TNS1: variants seen among roughly 807,000 people sequenced by gnomAD.
TNS1 encodes the protein tensin-1.
TNS1 carries 62 observed loss-of-function variants against 168.6 expected under a neutral mutation model. The observed-to-expected ratio is 0.37, with a 90% CI of 0.30 to 0.45. The LOEUF (loss-of-function observed/expected upper bound fraction) is 0.45. TNS1 is among the 20% of genes least tolerant of loss of function. The pLI is 1.00. For synonymous variants in TNS1, 934 were observed against 933.2 expected, an observed-to-expected ratio of 1.00 and a Z score of -0.02; for missense variants, 2,240 against 2,339.4, an observed-to-expected ratio of 0.96 and a Z score of 0.88.
rs146060788 is a variant in TNS1 at position 217,830,193 on chromosome 2, C to T, written c.3373+1262G>A. Among the ~76,000 whole-genome samples, 97 of 152,262 alleles carry T rather than the reference C, an allele frequency of 6.4e-4. 1 individual carries two copies. Among genetic ancestry groups the T allele is most frequent in the Middle Eastern group, 6.8e-3 (2 of 294 alleles). ...CCCCTCGCAGCCCCTGTGCCCAGGG[C>T]TCTGTGGGCCAAGTGTCAAGCAGGA... is the stretch of plus-strand genomic sequence containing the variant. On this transcript the variant is annotated intron_variant, in intron 22 of 32. Coordinates refer to ENST00000682258, the MANE Select transcript of TNS1 (RefSeq NM_001387777.1).
At chr2:217,950,815 A>T (rs1957222536) in intron 3 of TNS1, among the ~76,000 whole-genome samples, 1 of 149,966 alleles carries the variant, frequency 6.7e-6, no homozygotes, top group South Asian at 2.1e-4. Flanking sequence ...TCTGCGCAGC[A>T]CCTTCCTTCC....
rs1268962737 is a variant in TNS1 at position 217,813,145 on chromosome 2, C to A, written c.4954+70G>T. On this transcript the variant is annotated intron_variant, in intron 27 of 32. Coordinates refer to ENST00000682258, the MANE Select transcript of TNS1 (RefSeq NM_001387777.1). This position sits in a 1 kb window ranked among gnomAD's most constrained non-coding sequence, Gnocchi z 4.0. ...GTCAGAAAGAACTTGGGGTCAGACC[C>A]CTGGAGGAACCCAGGACAGGACCAA... 3 of 1,192,656 alleles carry A rather than the reference C, an allele frequency of 2.5e-6. No individual in the cohort carries two copies. Among genetic ancestry groups the A allele is most frequent in the Non-Finnish European group, 2.4e-6 (2 of 819,184 alleles). 73.9% of individuals were successfully genotyped at this position (1,192,656 alleles called of 1,614,324 possible).
intron 1 of TNS1, among the ~76,000 whole-genome samples, chr2:217,997,419 A>G (rs957273374): frequency 2.0e-5 from 3 of 152,108 alleles, no homozygotes; most frequent in African/African-American, 7.2e-5. Context: ...TTTAAACTAG[A>G]CACGTTATCC....
In TNS1 at chr2:217,980,506, CAGAGAGAGAGAG is replaced by C. The variant is rs3842558; in HGVS notation, c.149-1716_149-1705del. Among the ~76,000 whole-genome samples, 362 of 117,362 alleles carry C rather than the reference CAGAGAGAGAGAG, an allele frequency of 3.1e-3. 3 individuals carry two copies. Among genetic ancestry groups the C allele is most frequent in the East Asian group, 8.9e-3 (42 of 4,724 alleles). 77.0% of individuals were successfully genotyped at this position (117,362 alleles called of 152,430 possible). A position where few individuals can be genotyped will look rare whatever the true frequency, so the allele number is the denominator to read the frequency against. ...CCTCTCTCTCTCTCCTACACACACA[CAGAGAGAGAGAG>C]AGAGAGAGAGAGAGAGAGAGAGAGA... On this transcript the variant is annotated intron_variant, in intron 2 of 32. Transcript: ENST00000682258.
At chr2:217,874,802 A>G (rs1478542070) in intron 18 of TNS1, among the ~76,000 whole-genome samples, 3 of 152,210 alleles carry the variant, frequency 2.0e-5, no homozygotes, top group Admixed American at 6.5e-5. Context: ...ATAATGCTAT[A>G]ATGAAAGTAC....
chr2:217,857,768 T>C (rs886953539), intron 18 of TNS1, among the ~76,000 whole-genome samples: 2 of 152,186 alleles, frequency 1.3e-5, no homozygotes, highest in South Asian at 2.1e-4. Context: ...GACTCCGGCC[T>C]GGCCTGTGTT....
chr2:217,982,706 T>C (rs1217260130), intron 2 of TNS1, among the ~76,000 whole-genome samples: 2 of 151,494 alleles, frequency 1.3e-5, no homozygotes, highest in Non-Finnish European at 1.5e-5. Context: ...CCAGCCTGTA[T>C]TTATTTTAAA....
chr2:217,915,045 A>G (rs1455749193), intron 4 of TNS1, among the ~76,000 whole-genome samples: 1 of 152,152 alleles, frequency 6.6e-6, no homozygotes, highest in African/African-American at 2.4e-5. Context: ...TGGGAATGCA[A>G]TGCTCAGAGT....
chr2:217,957,219 G>A (rs1236523742), intron 3 of TNS1, among the ~76,000 whole-genome samples: 1 of 152,140 alleles, frequency 6.6e-6, no homozygotes, highest in African/African-American at 2.4e-5. Flanking sequence ...AGCCAGCCAG[G>A]CAGCCTTACA....
At chr2:217,994,202 G>A (rs937760417) in intron 1 of TNS1, among the ~76,000 whole-genome samples, 2 of 152,146 alleles carry the variant, frequency 1.3e-5, no homozygotes, top group African/African-American at 4.8e-5. Context: ...ACAAGAAGGG[G>A]CAGGTAAGTC....
Position 217,995,369 on chromosome 2 carries a change from A to T in TNS1, c.34-4313T>A, listed in dbSNP as rs1467786910. On this transcript the variant is annotated intron_variant, in intron 1 of 32. Transcript: ENST00000682258. The surrounding 1 kb of genome is among the most constrained non-coding windows in gnomAD (Gnocchi z 4.1). ...CAGTTATTGTAAGTAGGCACCAGACATCATCTGAAGTTCAGAAGGCAAAAC... is the reference window on the plus strand; with the variant it reads ...CAGTTATTGTAAGTAGGCACCAGACTTCATCTGAAGTTCAGAAGGCAAAAC... 5.3e-5 allele frequency among the ~76,000 whole-genome samples: 8 copies of T among 152,190 alleles called. No individual in the cohort carries two copies.
In TNS1 at chr2:217,916,473, C is replaced by T. The variant is rs189919909; in HGVS notation, c.228+3722G>A. On this transcript the variant is annotated intron_variant, in intron 4 of 32. Transcript: ENST00000682258. ...CGACCTTGGTGGCCAACCCATTTGG[C>T]GATCACCCTTGAAAAATTCTTTTGA... is the stretch of plus-strand genomic sequence containing the variant. 1.4e-4 allele frequency among the ~76,000 whole-genome samples: 22 copies of T among 152,302 alleles called. No homozygotes were observed. The East Asian group carries it at 2.9e-3, about 20-fold the overall frequency.
At chr2:217,897,213 C>T (rs1952404480) in intron 8 of TNS1, among the ~76,000 whole-genome samples, 1 of 152,132 alleles carries the variant, frequency 6.6e-6, no homozygotes, top group Non-Finnish European at 1.5e-5. Context: ...AGCCTTTCTG[C>T]GTTAGTGGAG....
intron 1 of TNS1, among the ~76,000 whole-genome samples, chr2:217,998,483 C>T (rs528595567): frequency 1.3e-5 from 2 of 152,196 alleles, no homozygotes; most frequent in Non-Finnish European, 2.9e-5. Flanking sequence ...ACGCCCTGCG[C>T]TGGAGTGAGG....
At chr2:217,910,717 C>CAT (rs1273699861) in intron 4 of TNS1, among the ~76,000 whole-genome samples, 4 of 95,474 alleles carry the variant, frequency 4.2e-5, no homozygotes, top group Admixed American at 9.8e-5. Context: ...TACACATACA[C>CAT]ACACACACAC....
intron 3 of TNS1, among the ~76,000 whole-genome samples, chr2:217,973,010 C>T (rs1033743680): frequency 1.3e-5 from 2 of 151,824 alleles, no homozygotes; most frequent in Admixed American, 6.6e-5. Context: ...AAGAGAAAAG[C>T]AAAAAGGAAG....
chr2:217,856,977 G>A (rs900692070), intron 18 of TNS1, among the ~76,000 whole-genome samples: 1 of 152,088 alleles, frequency 6.6e-6, no homozygotes, highest in African/African-American at 2.4e-5. Context: ...TGGACCAGCT[G>A]GGCTTCTCCT....
intron 22 of TNS1, among the ~76,000 whole-genome samples, chr2:217,825,204 C>G (rs902318488): frequency 6.6e-6 from 1 of 152,312 alleles, no homozygotes; most frequent in Middle Eastern, 3.4e-3. Flanking sequence ...ATCCAGACCC[C>G]CTTAGTCTCT....
At chr2:217,906,648 T>C (rs983941785) in intron 5 of TNS1, among the ~76,000 whole-genome samples, 2 of 152,194 alleles carry the variant, frequency 1.3e-5, no homozygotes, top group Non-Finnish European at 2.9e-5. Flanking sequence ...ACAGACAGGC[T>C]CATGCCTTGC....
Sources: allele counts gnomAD v4.1 joint callset (sites outside exome capture counted in the v4.1 genomes callset), GRCh38; gene constraint gnomAD v4.1.1; non-coding constraint Gnocchi (gnomAD v3.1); transcripts MANE v1.5; gene names NCBI Gene and HGNC (gene_info 2026-07-23, HGNC 2026-07-21).